Variants in SRSF11 observed in about 807,000 individuals in gnomAD.
SRSF11 encodes the protein serine and arginine rich splicing factor 11, also known as serine/arginine-rich splicing factor 11.
Under a neutral mutation model 56.0 loss-of-function variants are expected in SRSF11, and 9 were observed. The ratio of observed to expected loss-of-function variants is 0.16; its 90% confidence interval spans 0.10 to 0.28. The LOEUF (loss-of-function observed/expected upper bound fraction) is 0.28. SRSF11 is among the 10% of genes least tolerant of loss of function. The pLI, the probability that SRSF11 is intolerant of heterozygous loss-of-function variation, is 1.00. For missense variants in SRSF11, 421 were observed against 600.7 expected (o/e 0.70, Z 3.13); for synonymous variants, 222 against 215.3 (o/e 1.03, Z -0.27).
chr1:70,240,744 A>C (rs1024464084), intron 7 of SRSF11, among the ~76,000 whole-genome samples: 5 of 145,166 alleles, frequency 3.4e-5, no homozygotes, highest in African/African-American at 1.3e-4. Context: ...TTTCAGCTTC[A>C]CTTTACATAC....
chr1:70,231,639 T>C, intron 2 of SRSF11: 1 of 1,178,272 alleles, frequency 8.5e-7, no homozygotes, highest in Non-Finnish European at 1.1e-6. Context: ...CTGTGTGTAT[T>C]CAGAGACCTT....
intron 2 of SRSF11, chr1:70,230,626 G>A: frequency 7.9e-7 from 1 of 1,273,330 alleles, no homozygotes; most frequent in Non-Finnish European, 1.0e-6. Context: ...CTGGTGAGGG[G>A]CCTCATTGCT....
intron 1 of SRSF11, among the ~76,000 whole-genome samples, chr1:70,209,740 CTTTTTTTTTTTTTTTTTTTTTTTTTTTTT>C (rs923729248): frequency 7.3e-5 from 2 of 27,476 alleles, no homozygotes; most frequent in Non-Finnish European, 1.4e-4. Flanking sequence ...CACCTCGCTT[CTTTTTTTTTTTTTTTTTTTTTTTTTTTTT>C]TTTTTTTTTT....
chr1:70,211,398 A>G lies in SRSF11; in HGVS notation c.-26+5618A>G, dbSNP rs552385890. 3.9e-5 allele frequency among the ~76,000 whole-genome samples: 6 copies of G among 152,270 alleles called. No homozygotes were observed. In the East Asian group the frequency reaches 1.2e-3, roughly 29 times the overall value. ...TCATTTACTTTAAAAAGGGAGACAC[A>G]GTAAATGTTTAAAAATGGCAAATAC... is the stretch of plus-strand genomic sequence containing the variant. On this transcript the variant is annotated intron_variant, in intron 1 of 12. Transcript: ENST00000370950.
chr1:70,226,777 C>A (rs948437752), intron 1 of SRSF11, among the ~76,000 whole-genome samples: 1 of 152,168 alleles, frequency 6.6e-6, no homozygotes, highest in African/African-American at 2.4e-5. Context: ...CACCTGCAGC[C>A]CCATCTATTG....
At chr1:70,223,744 G>GT (rs1291483364) in intron 1 of SRSF11, among the ~76,000 whole-genome samples, 10 of 152,112 alleles carry the variant, frequency 6.6e-5, no homozygotes, top group Admixed American at 5.2e-4. Flanking sequence ...GTTGCATTTT[G>GT]TTTTTTTAAC....
At chr1:70,231,346 C>T in intron 2 of SRSF11, 3 of 1,077,976 alleles carry the variant, frequency 2.8e-6, no homozygotes, top group Non-Finnish European at 2.3e-6. Flanking sequence ...CTGTATAGGG[C>T]TTTTGCTGTT....
chr1:70,236,569 A>G (rs939293436), intron 5 of SRSF11, among the ~76,000 whole-genome samples: 5 of 151,156 alleles, frequency 3.3e-5, no homozygotes, highest in African/African-American at 1.2e-4. Flanking sequence ...TGACCTCATG[A>G]TCCACCCGCC....
chr1:70,235,506 T>C lies in SRSF11; in HGVS notation c.546T>C (p.Leu182=). 1 of 1,608,756 alleles carries C rather than the reference T, an allele frequency of 6.2e-7. No homozygotes were observed. The highest frequency in any genetic ancestry group is 8.5e-7 in the Non-Finnish European group (1 of 1,178,366). ...CTTATGTTTTATTTTTACAGTCTCT[T>C]GCTGCAGATCAGTTGCTGAAGCTTA... is the stretch of plus-strand genomic sequence containing the variant. ...LPGANLNSQS[L]AADQLLKLMS... is the part of the protein sequence containing the mutation. The change falls in exon 5 of 12, where the codon CTT becomes CTC. Residue 182 remains leucine (L), a synonymous_variant. Coordinates refer to ENST00000370949, the MANE Select transcript of SRSF11 (RefSeq NM_001350605.2).
At chr1:70,222,441 G>T (rs2100603989) in intron 1 of SRSF11, among the ~76,000 whole-genome samples, 1 of 152,270 alleles carries the variant, frequency 6.6e-6, no homozygotes, top group South Asian at 2.1e-4. Context: ...ACAGATTTGT[G>T]ATATTTCACA....
At chr1:70,229,639 T>C in intron 2 of SRSF11, 2 of 984,830 alleles carry the variant, frequency 2.0e-6, no homozygotes, top group Non-Finnish European at 2.4e-6. Context: ...CTTTCCTTAA[T>C]AAACTGGTCA....
At chr1:70,248,282 T>A (rs1038555322) in intron 9 of SRSF11, 19 of 152,162 alleles carry the variant, frequency 1.2e-4, no homozygotes, top group Non-Finnish European at 2.5e-4. Context: ...ATAAACAGAA[T>A]GGTATATCTA....
In SRSF11 at chr1:70,221,442, G is replaced by T. The variant is rs538811666; in HGVS notation, c.-195G>T. 2.9e-5 allele frequency: 20 copies of T among 698,346 alleles called. 2 individuals are homozygous for T. The African/African-American group carries it at 3.7e-4, about 13-fold the overall frequency. The allele number at this position is 698,346 out of a possible 1,614,324, so 43.3% of individuals were successfully genotyped here. ...TTTTCTCGTGGTCTCGAGCTCGCGC[G>T]CTCTCATCCCCTCCCCCGCGGCGTG... On this transcript the variant is annotated 5_prime_UTR_variant, in exon 1 of 12. Transcript: ENST00000370949.
upstream of SRSF11, among the ~76,000 whole-genome samples, chr1:70,220,392 G>A (rs915297120): frequency 1.3e-5 from 2 of 152,184 alleles, no homozygotes; most frequent in Admixed American, 6.5e-5. Context: ...AGATGAGGTT[G>A]AAAACAAAAG....
upstream of SRSF11, chr1:70,221,322 G>C: frequency 2.8e-6 from 1 of 363,258 alleles, no homozygotes; most frequent in Non-Finnish European, 5.0e-6. Context: ...CCTGCGCGGG[G>C]TGGAGCCGAC....
chr1:70,219,344 T>G (rs931405499), upstream of SRSF11, among the ~76,000 whole-genome samples: 1 of 152,224 alleles, frequency 6.6e-6, no homozygotes, highest in Non-Finnish European at 1.5e-5. Flanking sequence ...GCTCAAATTC[T>G]TTATGTAAAA....
chr1:70,241,935 C>T (rs559943872), intron 7 of SRSF11, among the ~76,000 whole-genome samples: 6 of 151,960 alleles, frequency 3.9e-5, no homozygotes, highest in Admixed American at 1.3e-4. Flanking sequence ...TTGGGGAGGC[C>T]GAGGCGGAGG....
At position 70,214,894 on chromosome 1, in the gene SRSF11, G is replaced by GTTTT. The variant is rs34229824; in HGVS notation, c.-25-6699_-25-6696dup. 9.5e-5 allele frequency among the ~76,000 whole-genome samples: 12 copies of GTTTT among 125,906 alleles called. No homozygotes were observed. The South Asian group carries it at 1.0e-3, about 11-fold the overall frequency. 82.6% of individuals were successfully genotyped at this position (125,906 alleles called of 152,430 possible). A position where few individuals can be genotyped will look rare whatever the true frequency, so the allele number is the denominator to read the frequency against. ...GAAATCAAAATACATCTGCAGATAA[G>GTTTT]TTTTTTTTTTTTTTTTTTTTTTGAG... On this transcript the variant is annotated intron_variant, in intron 1 of 12. Coordinates refer to the SRSF11 transcript ENST00000370950.
chr1:70,229,645 G>C, intron 2 of SRSF11: 2 of 984,722 alleles, frequency 2.0e-6, no homozygotes, highest in Non-Finnish European at 2.4e-6. Context: ...TTAATAAACT[G>C]GTCAGTGGAA....
Sources: allele counts gnomAD v4.1 joint callset (sites outside exome capture counted in the v4.1 genomes callset), GRCh38; gene constraint gnomAD v4.1.1; transcripts MANE v1.5; gene names NCBI Gene and HGNC (gene_info 2026-07-23, HGNC 2026-07-21).